The following RAB11A variants were observed in gnomAD, a reference collection of about 807,000 sequenced individuals.
RAB11A encodes ras-related protein Rab-11A.
Under a neutral mutation model 28.0 loss-of-function variants are expected in RAB11A, and 9 were observed. That is an observed-to-expected ratio of 0.32 (90% confidence interval 0.19 to 0.56). RAB11A has a LOEUF of 0.56. Ranked by LOEUF, RAB11A falls within the 20% of genes least tolerant of loss-of-function variation. The pLI is 0.91. For synonymous variants in RAB11A, 85 were observed against 88.2 expected, an observed-to-expected ratio of 0.96 and a Z score of 0.20; for missense variants, 108 against 269.6, an observed-to-expected ratio of 0.40 and a Z score of 4.20.
intron 1 of RAB11A, among the ~76,000 whole-genome samples, chr15:65,874,171 A>G (rs567534675): frequency 1.1e-4 from 17 of 151,988 alleles, no homozygotes; most frequent in African/African-American, 3.9e-4. Flanking sequence ...GCAGCTTGAT[A>G]TTCAGTATTA....
At chr15:65,880,923 T>C (rs1367093523) in intron 4 of RAB11A, among the ~76,000 whole-genome samples, 2 of 152,188 alleles carry the variant, frequency 1.3e-5, no homozygotes, top group Non-Finnish European at 2.9e-5. Context: ...TTTGTCTCAG[T>C]AACCCTTAGC....
At chr15:65,878,069 CAAG>C (rs748925821) in intron 3 of RAB11A, 114 bp downstream of exon 3, 1 of 1,104,024 alleles carries the variant, frequency 9.1e-7, no homozygotes, top group East Asian at 2.4e-5. Context: ...GAATGCTTAG[CAAG>C]AATTGTTTTG....
At chr15:65,873,233 G>T (rs1210839194) in intron 1 of RAB11A, among the ~76,000 whole-genome samples, 1 of 152,198 alleles carries the variant, frequency 6.6e-6, no homozygotes, top group Non-Finnish European at 1.5e-5. Context: ...TTAAGGCCCT[G>T]TGGGACATAA....
chr15:65,880,311 T>C (rs1283960733), intron 4 of RAB11A, among the ~76,000 whole-genome samples: 1 of 152,150 alleles, frequency 6.6e-6, no homozygotes, highest in Admixed American at 6.5e-5. Flanking sequence ...TCATGCTGTT[T>C]TGGAATGTGA....
chr15:65,882,401 A>G (rs1011040759), intron 4 of RAB11A, among the ~76,000 whole-genome samples: 3 of 152,218 alleles, frequency 2.0e-5, no homozygotes, highest in Admixed American at 6.5e-5. Flanking sequence ...TTAAATGTTA[A>G]CAGTCTTAAG....
intron 4 of RAB11A, among the ~76,000 whole-genome samples, chr15:65,886,809 G>A (rs2078258604): frequency 6.6e-6 from 1 of 152,136 alleles, no homozygotes; most frequent in Non-Finnish European, 1.5e-5. Flanking sequence ...AGTAAAAGAG[G>A]CAGACACTAA....
At chr15:65,871,919 GTTTTTTTT>G (rs960414631) in intron 1 of RAB11A, among the ~76,000 whole-genome samples, 10 of 72,034 alleles carry the variant, frequency 1.4e-4, no homozygotes, top group Non-Finnish European at 2.3e-4. Context: ...GGTTTTGTCA[GTTTTTTTT>G]TTTTTTTTTT....
At chr15:65,871,966 C>G (rs1345692512) in intron 1 of RAB11A, among the ~76,000 whole-genome samples, 1 of 112,702 alleles carries the variant, frequency 8.9e-6, no homozygotes, top group Non-Finnish European at 1.6e-5. Flanking sequence ...GGGTCTCGCT[C>G]TGTCCCCCAG....
chr15:65,886,985 G>T (rs946439240), intron 4 of RAB11A, among the ~76,000 whole-genome samples: 14 of 152,014 alleles, frequency 9.2e-5, no homozygotes, highest in African/African-American at 3.1e-4. Context: ...ATTTTAGCAT[G>T]TTTGTTAAGA....
intron 4 of RAB11A, among the ~76,000 whole-genome samples, chr15:65,887,198 G>A (rs1335908314): frequency 2.0e-5 from 3 of 147,644 alleles, no homozygotes; most frequent in East Asian, 4.0e-4. Context: ...TTTTGAGACC[G>A]AGTCTTGCTC....
intron 4 of RAB11A, among the ~76,000 whole-genome samples, chr15:65,884,866 G>A (rs1314440579): frequency 6.6e-6 from 1 of 151,400 alleles, no homozygotes; most frequent in African/African-American, 2.4e-5. Context: ...TGTGGGGGTG[G>A]GGGGGTATGC....
chr15:65,869,581 G>A lies in RAB11A; in HGVS notation c.-5G>A, dbSNP rs763658352. 6.2e-7 allele frequency: 1 copy of A among 1,610,764 alleles called. No homozygotes were observed. The highest frequency in any genetic ancestry group is 8.5e-7 in the Non-Finnish European group (1 of 1,179,838). ...GCTCCCGCCCTTTCGCTCCTCGGCC[G>A]CGCAATGGGCACCCGCGACGACGAG... On this transcript the variant is annotated 5_prime_UTR_variant, in exon 1 of 5. Transcript: ENST00000261890.
rs754516614 is a variant in RAB11A, at chr15:65,887,418, C to G, written c.512-283C>G. ...GAACTCCTGACCTCAGGTGATCTGC[C>G]TGGCCTGGTTTACCTCTTTAAACAA... is the stretch of plus-strand genomic sequence containing the variant. On this transcript the variant is annotated intron_variant, in intron 4 of 4. Coordinates refer to ENST00000261890, the MANE Select transcript of RAB11A (RefSeq NM_004663.5). Among the ~76,000 whole-genome samples, 4 of 152,154 alleles carry G rather than the reference C, an allele frequency of 2.6e-5. No individual in the cohort carries two copies. In the South Asian group the frequency reaches 8.3e-4, roughly 32 times the overall value.
chr15:65,876,893 T>C (rs1026107471), intron 1 of RAB11A, among the ~76,000 whole-genome samples: 4 of 152,226 alleles, frequency 2.6e-5, no homozygotes, highest in Non-Finnish European at 5.9e-5. Flanking sequence ...TAACAGCCTT[T>C]GTTGTTTTCA....
intron 3 of RAB11A, 153 bp downstream of exon 3, chr15:65,878,108 T>C: frequency 1.2e-6 from 1 of 824,472 alleles, no homozygotes; most frequent in South Asian, 1.4e-5. Context: ...TGTATAGCTT[T>C]TTTGCTTTGA....
chr15:65,871,788 C>T (rs929605866), intron 1 of RAB11A, among the ~76,000 whole-genome samples: 1 of 151,866 alleles, frequency 6.6e-6, no homozygotes, highest in African/African-American at 2.4e-5. Flanking sequence ...TCTCAGTTCT[C>T]TACTTTATAA....
At position 65,869,550 on chromosome 15, in the gene RAB11A, A is replaced by C; in HGVS notation, c.-36A>C. 1.2e-6 allele frequency: 2 copies of C among 1,606,330 alleles called. No homozygotes were observed. Among genetic ancestry groups the C allele is most frequent in the East Asian group, 2.2e-5 (1 of 44,784 alleles). ...GACGCCCCCTGGTCCCACAGATACC[A>C]CTGCTGCTCCCGCCCTTTCGCTCCT... On this transcript the variant is annotated 5_prime_UTR_variant, in exon 1 of 5. Coordinates refer to ENST00000261890, the MANE Select transcript of RAB11A (RefSeq NM_004663.5).
chr15:65,888,105 A>T lies in RAB11A; in HGVS notation c.*265A>T. 3.0e-6 allele frequency: 1 copy of T among 333,980 alleles called. No homozygotes were observed. Among genetic ancestry groups the T allele is most frequent in the South Asian group, 6.8e-5 (1 of 14,710 alleles). 20.7% of individuals were successfully genotyped at this position (333,980 alleles called of 1,614,324 possible). ...CCTCAGTTATTGTTTACTTTTCATC[A>T]TGGAAGCCTGTCACTGTATGTAGGA... On this transcript the variant is annotated 3_prime_UTR_variant, in exon 5 of 5. Transcript: ENST00000261890.
Position 65,869,532 on chromosome 15 carries a change from C to G in RAB11A, c.-54C>G. 1 of 1,597,400 alleles carries G rather than the reference C, an allele frequency of 6.3e-7. No homozygotes were observed. The highest frequency in any genetic ancestry group is 1.3e-5 in the African/African-American group (1 of 74,864). On this transcript the variant is annotated 5_prime_UTR_variant, in exon 1 of 5. Coordinates refer to ENST00000261890, the MANE Select transcript of RAB11A (RefSeq NM_004663.5). ...TCGGGTTACCCCTGCAGCGACGCCC[C>G]CTGGTCCCACAGATACCACTGCTGC...
Sources: gnomAD v4.1 joint callset for allele counts (sites outside exome capture counted in the v4.1 genomes callset) on GRCh38, gnomAD v4.1.1 for gene constraint, MANE v1.5 for transcripts, NCBI Gene and HGNC (gene_info 2026-07-23, HGNC 2026-07-21) for gene names.